ABCC4: variants seen among roughly 807,000 people sequenced by gnomAD.
ABCC4 encodes ATP-binding cassette sub-family C member 4.
Under a neutral mutation model 168.5 loss-of-function variants are expected in ABCC4, and 102 were observed. That is an observed-to-expected ratio of 0.61 (90% CI 0.52 to 0.71). The LOEUF is 0.71. Among genes scored for constraint, ABCC4 ranks in the 30% least tolerant of loss-of-function variants. ABCC4 has a pLI of 0.00. For missense variants in ABCC4, 1,402 were observed against 1,605.8 expected, an observed-to-expected ratio of 0.87 and a Z score of 2.17; for synonymous variants, 617 against 590.7, an observed-to-expected ratio of 1.04 and a Z score of -0.65.
chr13:95,288,076 A>G (rs2041306661), intron 1 of ABCC4, among the ~76,000 whole-genome samples: 1 of 152,042 alleles, frequency 6.6e-6, no homozygotes, highest in Non-Finnish European at 1.5e-5. Context: ...AATATTTTAT[A>G]ATGTATTTTT....
At chr13:95,199,290 A>G (rs1404838536) in intron 8 of ABCC4, among the ~76,000 whole-genome samples, 2 of 152,098 alleles carry the variant, frequency 1.3e-5, no homozygotes. Flanking sequence ...GCCATTTTTC[A>G]CCTTCTCATT....
intron 20 of ABCC4, among the ~76,000 whole-genome samples, chr13:95,115,463 C>T (rs375574965): frequency 4.8e-5 from 7 of 147,106 alleles, no homozygotes; most frequent in Admixed American, 1.4e-4. Flanking sequence ...CTTATTATTA[C>T]TAATCTTTTC....
chr13:95,122,498 T>A (rs1484303869), intron 19 of ABCC4, among the ~76,000 whole-genome samples: 1 of 152,220 alleles, frequency 6.6e-6, no homozygotes, highest in Non-Finnish European at 1.5e-5. Flanking sequence ...TACATCCTTA[T>A]TTATTCATCT....
intron 30 of ABCC4, among the ~76,000 whole-genome samples, chr13:95,032,230 C>T (rs898526944): frequency 1.3e-5 from 2 of 152,184 alleles, no homozygotes; most frequent in East Asian, 1.9e-4. Flanking sequence ...CCGGACTCTG[C>T]CTATAATTCT....
chr13:95,138,492 A>G (rs565647349), intron 19 of ABCC4, among the ~76,000 whole-genome samples: 18 of 152,322 alleles, frequency 1.2e-4, no homozygotes, highest in Non-Finnish European at 1.5e-5. Flanking sequence ...TCAGATAGTT[A>G]CAAAATTTGT....
In ABCC4 at chr13:95,301,274, T is replaced by C; in HGVS notation, c.41A>G (p.Gln14Arg). The change falls in exon 1 of 31, where the codon CAG (glutamine) becomes CGG (arginine). Residue 14 changes from glutamine (Q) to arginine (R), a missense_variant. Physicochemically the swap from Gln to Arg is conservative, Grantham distance 43. This residue lies in a region of ABCC4 where 317 missense variants were observed against 345.5 expected (regional missense o/e 0.92). Transcript: ENST00000645237. ...CACGCGTGAGCAGAGGTTCGCGTCC[T>C]GCAGCGGGTTGGGCTTCACCTCCTG... ...VYQEVKPNPL[Q>R]DANLCSRVFF... 6.3e-7 allele frequency: 1 copy of C among 1,595,460 alleles called. No homozygotes were observed. Among genetic ancestry groups the C allele is most frequent in the Non-Finnish European group, 8.5e-7 (1 of 1,171,622 alleles).
At chr13:95,279,958 A>G (rs1484190268) in intron 1 of ABCC4, among the ~76,000 whole-genome samples, 1 of 151,960 alleles carries the variant, frequency 6.6e-6, no homozygotes, top group Non-Finnish European at 1.5e-5. Flanking sequence ...ACAACATCTC[A>G]GCATTGTCGG....
chr13:95,134,492 A>G (rs1228900799), intron 19 of ABCC4, among the ~76,000 whole-genome samples: 1 of 152,176 alleles, frequency 6.6e-6, no homozygotes, highest in Non-Finnish European at 1.5e-5. Context: ...AGGCCGAGGT[A>G]GGCAGATCAG....
chr13:95,122,759 A>G (rs1183891507), intron 19 of ABCC4, among the ~76,000 whole-genome samples: 1 of 152,142 alleles, frequency 6.6e-6, no homozygotes, highest in Non-Finnish European at 1.5e-5. Flanking sequence ...GGAACCTGCC[A>G]CTAATGCGAG....
chr13:95,064,268 A>G (rs1157812012), intron 25 of ABCC4, among the ~76,000 whole-genome samples: 3 of 3,878 alleles, frequency 7.7e-4, no homozygotes, highest in East Asian at 0.013. Flanking sequence ...GTGTATATAT[A>G]TATATATATA....
intron 9 of ABCC4, among the ~76,000 whole-genome samples, chr13:95,192,818 T>C (rs61965912): frequency 0.09 from 13,728 of 152,038 alleles, 640 homozygotes; most frequent in East Asian, 0.11. Context: ...ACTCACGAGG[T>C]TGAGGCAGGA....
In ABCC4 at chr13:95,206,795, C is replaced by G; in HGVS notation, c.912-14G>C. On this transcript the variant is annotated splice_polypyrimidine_tract_variant and intron_variant, in intron 7 of 30. Transcript: ENST00000645237. Reference sequence around the variant, plus strand: ...GAAATCTCCTTCCTGAAAGAGAGTACAGGTTTTTAAAAAAGCAGTGATGTC... The same window carrying G: ...GAAATCTCCTTCCTGAAAGAGAGTAGAGGTTTTTAAAAAAGCAGTGATGTC... The G allele has an allele frequency of 6.2e-7, 1 of 1,612,478 alleles. No homozygotes were observed.
chr13:95,043,887 T>C, intron 28 of ABCC4, 100 bp from the exon 29 acceptor site: 1 of 733,662 alleles, frequency 1.4e-6, no homozygotes, highest in Non-Finnish European at 2.2e-6. Flanking sequence ...AAAAAAAAGA[T>C]CATATCTATT....
At chr13:95,044,513 A>C in intron 27 of ABCC4, 75 bp from the exon 28 acceptor site, 1 of 1,337,098 alleles carries the variant, frequency 7.5e-7, no homozygotes, top group Admixed American at 2.4e-5. Context: ...TAGACATTAG[A>C]ACCTTCAAGT....
chr13:95,087,259 C>G (rs1392186166), intron 20 of ABCC4, among the ~76,000 whole-genome samples: 1 of 152,166 alleles, frequency 6.6e-6, no homozygotes, highest in African/African-American at 2.4e-5. Context: ...GGTGCGGTGG[C>G]TCACGCCTAT....
Position 95,171,693 on chromosome 13 carries a change from T to C in ABCC4, c.1728-1065A>G, listed in dbSNP as rs145627746. The stretch of plus-strand genomic sequence containing the variant: ...CTTCCTCATATGCAGCCACTGCTTT[T>C]AGAAATTCAGGACTGAGAAGTCATA... On this transcript the variant is annotated intron_variant, in intron 13 of 30. Coordinates refer to ENST00000645237, the MANE Select transcript of ABCC4 (RefSeq NM_005845.5). Among the ~76,000 whole-genome samples, 7 of 152,336 alleles carry C rather than the reference T, an allele frequency of 4.6e-5. No homozygotes were observed. The East Asian group carries it at 1.2e-3, about 25-fold the overall frequency.
At chr13:95,047,219 T>A (rs2032614191) in intron 27 of ABCC4, among the ~76,000 whole-genome samples, 1 of 152,202 alleles carries the variant, frequency 6.6e-6, no homozygotes, top group African/African-American at 2.4e-5. Context: ...ACACACAGCA[T>A]GGGTATGAGT....
intron 1 of ABCC4, among the ~76,000 whole-genome samples, chr13:95,254,657 ACATCTAAGC>A (rs1258069186): frequency 6.6e-6 from 1 of 152,232 alleles, no homozygotes; most frequent in Non-Finnish European, 1.5e-5. Flanking sequence ...TTGATAGGAC[ACATCTAAGC>A]CATCCAAGTC....
chr13:95,212,172 C>CAAA lies in ABCC4; in HGVS notation c.532-1394_532-1392dup, dbSNP rs61656577. ...TCTGGGTGACAGAGTGAGACTGTCT[C>CAAA]AAAAAAAAAAAAATTAAAAAATGCT... is the stretch of plus-strand genomic sequence containing the variant. On this transcript the variant is annotated intron_variant, in intron 4 of 30. Coordinates refer to ENST00000645237, the MANE Select transcript of ABCC4 (RefSeq NM_005845.5). 3.7e-4 allele frequency among the ~76,000 whole-genome samples: 45 copies of CAAA among 123,186 alleles called. 3 individuals are homozygous for CAAA. Among genetic ancestry groups the CAAA allele is most frequent in the Middle Eastern group, 4.0e-3 (1 of 250 alleles). The allele number at this position is 123,186 out of a possible 152,430, so 80.8% of individuals were successfully genotyped here.
Sources: allele counts gnomAD v4.1 joint callset (sites outside exome capture counted in the v4.1 genomes callset), GRCh38; gene constraint gnomAD v4.1.1; regional missense constraint gnomAD v4.1.1; transcripts MANE v1.5; gene names NCBI Gene and HGNC (gene_info 2026-07-23, HGNC 2026-07-21).